Variants in PDZRN4 observed in about 807,000 individuals in gnomAD.
The protein encoded by PDZRN4 is PDZ domain containing ring finger 4.
A neutral mutation model predicts 99.0 loss-of-function variants in PDZRN4; 70 were observed. The observed-to-expected ratio is 0.71, with a 90% CI of 0.58 to 0.86. The LOEUF (loss-of-function observed/expected upper bound fraction) is 0.86. Among genes scored for constraint, PDZRN4 ranks in the 40% least tolerant of loss-of-function variants. The pLI, the probability that PDZRN4 is intolerant of heterozygous loss-of-function variation, is 0.00. For missense variants in PDZRN4, 1,474 were observed against 1,331.2 expected (o/e 1.11, Z -1.67); for synonymous variants, 551 against 501.6 (o/e 1.10, Z -1.32).
At chr12:41,388,967 GACTA>G (rs974655335) in intron 3 of PDZRN4, among the ~76,000 whole-genome samples, 73 of 152,248 alleles carry the variant, frequency 4.8e-4, no homozygotes, top group African/African-American at 1.7e-3. Flanking sequence ...AAATATCAAT[GACTA>G]ACTGATTGGC....
At chr12:41,455,874 G>C (rs1316051243) in intron 3 of PDZRN4, among the ~76,000 whole-genome samples, 1 of 152,140 alleles carries the variant, frequency 6.6e-6, no homozygotes, top group African/African-American at 2.4e-5. Flanking sequence ...TTCTCTCACT[G>C]TAAATCCTAA....
chr12:41,403,504 C>T (rs1438740976), intron 3 of PDZRN4, among the ~76,000 whole-genome samples: 1 of 152,038 alleles, frequency 6.6e-6, no homozygotes, highest in African/African-American at 2.4e-5. Context: ...TCACATATGC[C>T]CCTCACTCCA....
rs543146839 is a variant in PDZRN4 at position 41,447,985 on chromosome 12, G to A, written c.844-58471G>A. Among the ~76,000 whole-genome samples, 9 of 152,146 alleles carry A rather than the reference G, an allele frequency of 5.9e-5. No homozygotes were observed. The South Asian group carries it at 6.2e-4, about 11-fold the overall frequency. ...TTTTTAAATTGTTTTCCCTTGAAAG[G>A]GTCTATGGAAGATGCTCTTTTCGGC... On this transcript the variant is annotated intron_variant, in intron 3 of 9. Transcript: ENST00000402685.
intron 3 of PDZRN4, among the ~76,000 whole-genome samples, chr12:41,197,918 G>GTTTTTTTTTTTTTTGTTTT (rs1491129322): frequency 4.4e-5 from 5 of 114,576 alleles, no homozygotes; most frequent in African/African-American, 1.7e-4. Context: ...TGTTTTTTCT[G>GTTTTTTTTTTTTTTGTTTT]GGTTTTTTTT....
intron 3 of PDZRN4, among the ~76,000 whole-genome samples, chr12:41,267,774 G>A (rs1274589526): frequency 6.6e-6 from 1 of 152,064 alleles, no homozygotes; most frequent in Non-Finnish European, 1.5e-5. Context: ...CCAGGAGATG[G>A]AGGTTGCAGT....
At chr12:41,399,804 A>T (rs1952276946) in intron 3 of PDZRN4, among the ~76,000 whole-genome samples, 1 of 152,108 alleles carries the variant, frequency 6.6e-6, no homozygotes, top group African/African-American at 2.4e-5. Context: ...AGGGAAAAAA[A>T]TTCCCCCTTA....
At chr12:41,459,791 A>G (rs1320783191) in intron 3 of PDZRN4, among the ~76,000 whole-genome samples, 1 of 152,218 alleles carries the variant, frequency 6.6e-6, no homozygotes, top group Non-Finnish European at 1.5e-5. Context: ...CATGGAACAG[A>G]TTGATTTTTG....
At chr12:41,191,788 T>A (rs2405769) in intron 2 of PDZRN4, among the ~76,000 whole-genome samples, 17,730 of 133,124 alleles carry the variant, frequency 0.13, 1,429 homozygotes, top group Middle Eastern at 0.19. Flanking sequence ...TTATTTATTT[T>A]GTTTGTTTGT....
chr12:41,349,772 G>A (rs1951878076), intron 3 of PDZRN4, among the ~76,000 whole-genome samples: 1 of 151,876 alleles, frequency 6.6e-6, no homozygotes, highest in Non-Finnish European at 1.5e-5. Context: ...ATTACAATGA[G>A]GCATTTCATA....
chr12:41,557,392 A>G (rs1444834640), intron 7 of PDZRN4, among the ~76,000 whole-genome samples: 2 of 152,116 alleles, frequency 1.3e-5, no homozygotes, highest in Admixed American at 1.3e-4. Flanking sequence ...AGACCCTTGG[A>G]GAGTGTTTTT....
intron 3 of PDZRN4, among the ~76,000 whole-genome samples, chr12:41,211,669 T>C (rs1950889510): frequency 6.6e-6 from 1 of 151,998 alleles, no homozygotes; most frequent in Non-Finnish European, 1.5e-5. Context: ...GCCGATTTGA[T>C]AATTGGACTG....
chr12:41,480,130 T>C (rs944859129), intron 3 of PDZRN4, among the ~76,000 whole-genome samples: 3 of 152,164 alleles, frequency 2.0e-5, no homozygotes, highest in Non-Finnish European at 4.4e-5. Context: ...ATTAGCAATT[T>C]CTTCTCTCAT....
chr12:41,237,727 C>T (rs1394555183), intron 3 of PDZRN4, among the ~76,000 whole-genome samples: 1 of 152,166 alleles, frequency 6.6e-6, no homozygotes, highest in Non-Finnish European at 1.5e-5. Context: ...AATGGGGAGT[C>T]CTTTCTCCAT....
At chr12:41,471,974 G>T (rs2730807) in intron 3 of PDZRN4, among the ~76,000 whole-genome samples, 81,144 of 150,322 alleles carry the variant, frequency 0.54, 22,987 homozygotes, top group African/African-American at 0.73. Flanking sequence ...AAATGTACAC[G>T]AATTTAATAA....
intron 3 of PDZRN4, among the ~76,000 whole-genome samples, chr12:41,335,352 T>G (rs950257267): frequency 6.6e-6 from 1 of 152,078 alleles, no homozygotes; most frequent in Non-Finnish European, 1.5e-5. Flanking sequence ...GCCATGTTGG[T>G]GTGCTGCACC....
chr12:41,323,203 G>C (rs917778819), intron 3 of PDZRN4, among the ~76,000 whole-genome samples: 7 of 152,134 alleles, frequency 4.6e-5, no homozygotes, highest in Non-Finnish European at 7.3e-5. Flanking sequence ...GCTTCAAATT[G>C]ACAGGAGGAC....
intron 5 of PDZRN4, among the ~76,000 whole-genome samples, chr12:41,522,746 T>G (rs1938514962): frequency 6.6e-6 from 1 of 152,158 alleles, no homozygotes; most frequent in Non-Finnish European, 1.5e-5. Context: ...CATAGCTGTA[T>G]GGTAATAAAG....
chr12:41,236,734 T>C (rs1951069770), intron 3 of PDZRN4, among the ~76,000 whole-genome samples: 1 of 152,094 alleles, frequency 6.6e-6, no homozygotes, highest in Admixed American at 6.6e-5. Context: ...AGTGAAACAA[T>C]TAGACCTAGA....
chr12:41,201,048 A>G (rs1166336603), intron 3 of PDZRN4, among the ~76,000 whole-genome samples: 1 of 151,406 alleles, frequency 6.6e-6, no homozygotes. Flanking sequence ...AAAACTTGTC[A>G]TTGTTTTGCT....
Sources: gnomAD v4.1 joint callset for allele counts (sites outside exome capture counted in the v4.1 genomes callset) on GRCh38, gnomAD v4.1.1 for gene constraint, MANE v1.5 for transcripts, NCBI Gene and HGNC (gene_info 2026-07-23, HGNC 2026-07-21) for gene names.